Variants in PDZD2 observed in about 807,000 individuals in gnomAD.
The protein encoded by PDZD2 is PDZ domain containing 2.
Under a neutral mutation model 220.7 loss-of-function variants are expected in PDZD2, and 90 were observed. The observed-to-expected ratio is 0.41, with a 90% CI of 0.34 to 0.49. The LOEUF (loss-of-function observed/expected upper bound fraction) is 0.49, where lower values mean the gene tolerates loss of function less well. Among genes scored for constraint, PDZD2 ranks in the 20% least tolerant of loss-of-function variants. The pLI, the probability that PDZD2 is intolerant of heterozygous loss-of-function variation, is 0.28. For missense variants in PDZD2, 3,174 were observed against 3,608.5 expected (o/e 0.88, Z 3.08); for synonymous variants, 1,375 against 1,450.5 (o/e 0.95, Z 1.18).
intron 1 of PDZD2, among the ~76,000 whole-genome samples, chr5:31,678,247 A>G (rs1319168105): frequency 3.9e-5 from 6 of 152,190 alleles, no homozygotes; most frequent in Non-Finnish European, 8.8e-5. Context: ...TGATGAGACC[A>G]GCTGCAGTGC....
Position 32,006,679 on chromosome 5 carries a change from A to C in PDZD2, c.1255-3651A>C, listed in dbSNP as rs1005907161. ...GGCATGAACCACTGCCAGGCTCAAC[A>C]CCTTTTTTTTTTTTTTTTTTTTTTT... On this transcript the variant is annotated intron_variant, in intron 5 of 24. Transcript: ENST00000438447. Among the ~76,000 whole-genome samples, 360 of 121,256 alleles carry C rather than the reference A, an allele frequency of 3.0e-3. 4 individuals are homozygous for C. The highest frequency in any genetic ancestry group is 0.022 in the East Asian group (97 of 4,350). 79.5% of individuals were successfully genotyped at this position (121,256 alleles called of 152,430 possible). A position where few individuals can be genotyped will look rare whatever the true frequency, so the allele number is the denominator to read the frequency against.
Position 32,074,074 on chromosome 5 carries a change from C to G in PDZD2, c.2968C>G (p.Pro990Ala), listed in dbSNP as rs1741029565. The G allele has an allele frequency of 6.2e-7, 1 of 1,613,930 alleles. No individual in the cohort carries two copies. Among genetic ancestry groups the G allele is most frequent in the Admixed American group, 1.7e-5 (1 of 60,000 alleles). ...CTGCATTTCACTCCCAGGGGCCCTC[C>G]CGGGTCCCATCAGGCCTCTGTCAGA... The part of the protein sequence containing the change: ...GDCISLPGAL[P>A]GPIRPLSEDD... Residue 990 changes from proline to alanine, a missense_variant, in exon 18 of 25, where the codon CCG becomes GCG. This residue lies in a region of PDZD2 where 1,861 missense variants were observed against 2,001.0 expected (regional missense o/e 0.93). Transcript: ENST00000438447.
intron 2 of PDZD2, among the ~76,000 whole-genome samples, chr5:31,981,565 A>T (rs902592585): frequency 2.6e-5 from 4 of 152,214 alleles, no homozygotes; most frequent in Non-Finnish European, 4.4e-5. Context: ...CCCAGAAGGC[A>T]TGTTAATGTC....
At chr5:31,654,212 C>A (rs540255349) in intron 1 of PDZD2, among the ~76,000 whole-genome samples, 1 of 152,188 alleles carries the variant, frequency 6.6e-6, no homozygotes, top group Non-Finnish European at 1.5e-5. Context: ...AATTCTGAGC[C>A]TTTTACTTGA....
chr5:31,981,786 A>G (rs1157423242), intron 2 of PDZD2, among the ~76,000 whole-genome samples: 1 of 152,174 alleles, frequency 6.6e-6, no homozygotes, highest in Non-Finnish European at 1.5e-5. Context: ...GTGCTGCTTT[A>G]TCTTAGGTAG....
chr5:31,990,173 A>T (rs898540191), intron 3 of PDZD2, among the ~76,000 whole-genome samples: 1 of 152,222 alleles, frequency 6.6e-6, no homozygotes, highest in Non-Finnish European at 1.5e-5. Context: ...GTCTTCTCAC[A>T]TATGGGGCAA....
intron 1 of PDZD2, among the ~76,000 whole-genome samples, chr5:31,761,485 C>T (rs180818115): frequency 3.1e-4 from 46 of 149,644 alleles, no homozygotes; most frequent in Non-Finnish European, 6.5e-4. Flanking sequence ...TTGGTATTCT[C>T]GGGGGAAAAA....
At chr5:31,768,383 C>A (rs987704808) in intron 1 of PDZD2, among the ~76,000 whole-genome samples, 20 of 152,068 alleles carry the variant, frequency 1.3e-4, no homozygotes, top group African/African-American at 4.3e-4. Context: ...TGGCTCATGT[C>A]TGTAATCCCA....
At chr5:32,024,822 G>A (rs1050863009) in intron 6 of PDZD2, among the ~76,000 whole-genome samples, 1 of 152,226 alleles carries the variant, frequency 6.6e-6, no homozygotes, top group Non-Finnish European at 1.5e-5. Flanking sequence ...GGCTTTGCTA[G>A]CCAAACAGTC....
At chr5:31,983,036 A>C in intron 2 of PDZD2, 119 bp from the exon 3 acceptor site, 8 of 938,234 alleles carry the variant, frequency 8.5e-6, no homozygotes, top group African/African-American at 1.6e-5. Context: ...AGGAAGCTCA[A>C]TACCTCAGTC....
chr5:31,878,963 C>T (rs371025538), intron 2 of PDZD2, among the ~76,000 whole-genome samples: 1 of 152,122 alleles, frequency 6.6e-6, no homozygotes, highest in African/African-American at 2.4e-5. Flanking sequence ...TGCATAGACA[C>T]GGCACTGTCC....
At chr5:31,734,439 C>A (rs898332877) in intron 1 of PDZD2, among the ~76,000 whole-genome samples, 3 of 152,130 alleles carry the variant, frequency 2.0e-5, no homozygotes, top group African/African-American at 7.2e-5. Context: ...CCTGCCTCAG[C>A]CCCTTGAGTA....
At chr5:31,986,221 C>T (rs1019030592) in intron 3 of PDZD2, among the ~76,000 whole-genome samples, 1 of 152,072 alleles carries the variant, frequency 6.6e-6, no homozygotes, top group African/African-American at 2.4e-5. Flanking sequence ...CAAACTGATC[C>T]ATTGCCTTTA....
intron 6 of PDZD2, among the ~76,000 whole-genome samples, chr5:32,022,958 C>A (rs528902995): frequency 6.6e-6 from 1 of 152,036 alleles, no homozygotes; most frequent in African/African-American, 2.4e-5. Flanking sequence ...ATTTGGAGGC[C>A]TTTGCTGTAC....
chr5:31,667,764 A>G (rs1746050342), intron 1 of PDZD2, among the ~76,000 whole-genome samples: 2 of 151,610 alleles, frequency 1.3e-5, no homozygotes, highest in African/African-American at 4.8e-5. Context: ...CCTGCTCACC[A>G]GAAGGCAGGA....
At chr5:31,691,416 G>A (rs946382621) in intron 1 of PDZD2, among the ~76,000 whole-genome samples, 1 of 152,038 alleles carries the variant, frequency 6.6e-6, no homozygotes, top group Admixed American at 6.5e-5. Context: ...AGAGTGGAAG[G>A]GGGCCCGAAC....
intron 1 of PDZD2, among the ~76,000 whole-genome samples, chr5:31,645,019 C>G (rs906817154): frequency 6.6e-6 from 1 of 152,122 alleles, no homozygotes; most frequent in East Asian, 1.9e-4. Context: ...GAAATAATAG[C>G]AAGGAGATGG....
intron 2 of PDZD2, among the ~76,000 whole-genome samples, chr5:31,930,326 C>T (rs1206462348): frequency 6.6e-6 from 1 of 151,258 alleles, no homozygotes; most frequent in African/African-American, 2.4e-5. Context: ...CTGCCTCAGT[C>T]TCCCAAGTAG....
At chr5:31,933,853 G>C (rs565961983) in intron 2 of PDZD2, among the ~76,000 whole-genome samples, 1 of 152,272 alleles carries the variant, frequency 6.6e-6, no homozygotes, top group Admixed American at 6.5e-5. Context: ...AGGAACCAAG[G>C]TGGACACGAA....
Sources: allele counts gnomAD v4.1 joint callset (sites outside exome capture counted in the v4.1 genomes callset), GRCh38; gene constraint gnomAD v4.1.1; regional missense constraint gnomAD v4.1.1; transcripts MANE v1.5; gene names NCBI Gene and HGNC (gene_info 2026-07-23, HGNC 2026-07-21).